The following SIPA1 variants were observed in gnomAD, a reference collection of about 807,000 sequenced individuals.
The protein encoded by SIPA1 is signal-induced proliferation-associated 1.
SIPA1 carries 51 observed loss-of-function variants against 88.1 expected under a neutral mutation model. The ratio of observed to expected loss-of-function variants is 0.58; its 90% CI spans 0.46 to 0.73. The LOEUF is 0.73. Among genes scored for constraint, SIPA1 ranks in the 30% least tolerant of loss-of-function variants. The probability of loss-of-function intolerance (pLI) is 0.00; values close to 1 mark genes in which losing one functional copy is unlikely to be tolerated. For synonymous variants in SIPA1, 681 were observed against 664.8 expected (o/e 1.02, Z -0.37); for missense variants, 1,348 against 1,467.6 (o/e 0.92, Z 1.33).
rs747116318 is a variant in SIPA1, at chr11:65,646,768, G to T, written c.1734G>T (p.Ala578=). 6.7e-7 allele frequency: 1 copy of T among 1,484,114 alleles called. No homozygotes were observed. Among genetic ancestry groups the T allele is most frequent in the Admixed American group, 2.5e-5 (1 of 39,644 alleles). The allele number at this position is 1,484,114 out of a possible 1,614,324, so 91.9% of individuals were successfully genotyped here. The change falls in exon 8 of 16, where the codon GCG becomes GCT. Residue 578 remains alanine, a synonymous_variant. Transcript: ENST00000534313. This position sits in a 1 kb window ranked among gnomAD's most constrained non-coding sequence, Gnocchi z 7.5. The stretch of plus-strand genomic sequence containing the variant: ...GCCCAGGCGCCGAGCTGCAGGCAGC[G>T]GGCTCACTGGTGTGGGGAGTGCGCG... ...PRGPGAELQA[A]GSLVWGVRAA...
chr11:65,650,198 C>G lies in SIPA1; in HGVS notation c.2903+6C>G. 9 of 1,613,934 alleles carry G rather than the reference C, an allele frequency of 5.6e-6. No homozygotes were observed. Among genetic ancestry groups the G allele is most frequent in the Non-Finnish European group, 7.6e-6 (9 of 1,179,836 alleles). On this transcript the variant is annotated splice_donor_region_variant and intron_variant, in intron 14 of 15. Coordinates refer to ENST00000534313, the MANE Select transcript of SIPA1 (RefSeq NM_006747.4). The stretch of plus-strand genomic sequence containing the variant: ...ACTCCAAAATCTGATGCTGAGTAAG[C>G]TCCCCAACTCCCCACAGCCGCTTTA...
At position 65,641,091 on chromosome 11, in the gene SIPA1, C is replaced by T. The variant is rs1228347353; in HGVS notation, c.170C>T (p.Ala57Val). 5 of 1,599,528 alleles carry T rather than the reference C, an allele frequency of 3.1e-6. No homozygotes were observed. The highest frequency in any genetic ancestry group is 1.1e-5 in the South Asian group (1 of 90,782). The change falls in exon 2 of 16, where the codon GCA becomes GTA. Residue 57 changes from alanine (A) to valine (V), a missense_variant. Physicochemically the swap from Ala to Val is moderately conservative, Grantham distance 64. Around this residue, in one of 4 missense-constraint regions of SIPA1, gnomAD observed 641 missense variants for 797.7 expected, o/e 0.80. Transcript: ENST00000534313. ...RGPLLRSGSD[A>V]GEARPPTPAS... The stretch of plus-strand genomic sequence containing the variant: ...CCACTCCTGCGCAGCGGCAGCGATG[C>T]AGGCGAGGCCAGGCCCCCCACGCCA...
Position 65,641,523 on chromosome 11 carries a change from A to G in SIPA1, c.602A>G (p.Gln201Arg). The G allele has an allele frequency of 6.2e-7, 1 of 1,612,468 alleles. No homozygotes were observed. Among genetic ancestry groups the G allele is most frequent in the Non-Finnish European group, 8.5e-7 (1 of 1,179,986 alleles). Residue 201 changes from glutamine to arginine, a missense_variant, in exon 2 of 16, where the codon CAG becomes CGG. By Grantham distance (43) the Gln-to-Arg change is conservative (BLOSUM62 1). Around this residue, in one of 4 missense-constraint regions of SIPA1, gnomAD observed 641 missense variants for 797.7 expected, o/e 0.80. Coordinates refer to ENST00000534313, the MANE Select transcript of SIPA1 (RefSeq NM_006747.4). ...NAAVSILEEP[Q>R]NRTSAYSLEH... ...GCCGTGTCCATCCTGGAGGAGCCAC[A>G]GAACCGAACCTCGGCCTACAGCCTG...
At position 65,647,395 on chromosome 11, in the gene SIPA1, TG is replaced by T; in HGVS notation, c.2045del (p.Gly682AlafsTer117). On this transcript the variant is annotated frameshift_variant, in exon 9 of 16. Coordinates refer to ENST00000534313, the MANE Select transcript of SIPA1 (RefSeq NM_006747.4). LOFTEE classifies it high-confidence loss of function. Reference sequence around the variant, plus strand: ...CGCCCCGTCCGCAGCTGGTGAGCCGTGGCTGCGAGACCCGCGAGCTGGCGCT... The same window carrying T: ...CGCCCCGTCCGCAGCTGGTGAGCCGTGCTGCGAGACCCGCGAGCTGGCGCT... ...VVARLQLVSR[G>X]CETRELALPR... 1 of 1,453,442 alleles carries T rather than the reference TG, an allele frequency of 6.9e-7. No homozygotes were observed. The highest frequency in any genetic ancestry group is 9.0e-7 in the Non-Finnish European group (1 of 1,110,952). 90.0% of individuals were successfully genotyped at this position (1,453,442 alleles called of 1,614,324 possible).
chr11:65,649,318 CAGATCCT>C lies in SIPA1; in HGVS notation c.2364_2370del (p.Asp789CysfsTer8). The C allele has an allele frequency of 1.3e-6, 2 of 1,558,226 alleles. No individual in the cohort carries two copies. Among genetic ancestry groups the C allele is most frequent in the Non-Finnish European group, 1.7e-6 (2 of 1,150,854 alleles). On this transcript the variant is annotated frameshift_variant, in exon 10 of 16. Transcript: ENST00000534313. LOFTEE classifies it high-confidence loss of function. ...CAGGAGCCTAGCCGGCGGGGGGCCCCAGATCCTGTGCAGGATGAGGTCCAGGGGGTGA... is the reference window on the plus strand; with the variant it reads ...CAGGAGCCTAGCCGGCGGGGGGCCCCGTGCAGGATGAGGTCCAGGGGGTGA...
chr11:65,648,995 A>T (rs1228947704), intron 9 of SIPA1, among the ~76,000 whole-genome samples: 1 of 152,234 alleles, frequency 6.6e-6, no homozygotes, highest in Non-Finnish European at 1.5e-5. Context: ...CTCACAGCAC[A>T]CTATGAGGTT....
rs371548442 is a variant in SIPA1 at position 65,650,662 on chromosome 11, C to T, written c.3076C>T (p.Arg1026Cys). 9.5e-5 allele frequency: 150 copies of T among 1,575,544 alleles called. No individual in the cohort carries two copies. Among genetic ancestry groups the T allele is most frequent in the Middle Eastern group, 1.7e-4 (1 of 6,026 alleles). The change falls in exon 16 of 16, where the codon CGC becomes TGC. Residue 1026 changes from arginine to cysteine, a missense_variant. Physicochemically the swap from Arg to Cys is radical, Grantham distance 180. Around this residue, in one of 4 missense-constraint regions of SIPA1, gnomAD observed 615 missense variants for 559.8 expected, o/e 1.10. Transcript: ENST00000534313. ...LQAESESAAT[R>C]LLLASKQLGS... is the part of the protein sequence containing the mutation. ...GGCGGAGTCTGAGAGTGCAGCCACA[C>T]GCCTCCTCCTGGCCTCCAAGCAGCT...
At chr11:65,638,735 C>T (rs1855946176) in intron 1 of SIPA1, among the ~76,000 whole-genome samples, 1 of 152,246 alleles carries the variant, frequency 6.6e-6, no homozygotes, top group South Asian at 2.1e-4. Flanking sequence ...GAGGAATGTC[C>T]TAGCCTCAAT....
Position 65,647,598 on chromosome 11 carries a change from G to A in SIPA1, c.2246G>A (p.Arg749His). 7.2e-7 allele frequency: 1 copy of A among 1,395,714 alleles called. No homozygotes were observed. Among genetic ancestry groups the A allele is most frequent in the South Asian group, 1.4e-5 (1 of 69,340 alleles). The allele number at this position is 1,395,714 out of a possible 1,614,324, so 86.5% of individuals were successfully genotyped here. ...LRPEAAAQLLRSAPKVCVTVL... is the reference protein window; with the variant it reads ...LRPEAAAQLLHSAPKVCVTVL... ...CCCGAGGCCGCTGCCCAGCTCCTGC[G>A]CTCGGCGCCCAAGGTCTGCGTCACC... is the stretch of plus-strand genomic sequence containing the variant. The change falls in exon 9 of 16, where the codon CGC becomes CAC. Residue 749 changes from arginine (R) to histidine (H), a missense_variant. Around this residue, in one of 4 missense-constraint regions of SIPA1, gnomAD observed 615 missense variants for 559.8 expected, o/e 1.10. Transcript: ENST00000534313.
chr11:65,646,135 T>G lies in SIPA1; in HGVS notation c.1264-86T>G. 6.7e-7 allele frequency: 1 copy of G among 1,500,344 alleles called. No homozygotes were observed. The highest frequency in any genetic ancestry group is 2.3e-5 in the East Asian group (1 of 44,136). 92.9% of individuals were successfully genotyped at this position (1,500,344 alleles called of 1,614,324 possible). A position where few individuals can be genotyped will look rare whatever the true frequency, so the allele number is the denominator to read the frequency against. ...TCACCAGGGGCAGTGGGGGAGCCAT[T>G]GGTGCCTTGGCTTTCTCCTGCCTGA... On this transcript the variant is annotated intron_variant, in intron 6 of 15. Transcript: ENST00000534313. The surrounding 1 kb of genome is among the most constrained non-coding windows in gnomAD (Gnocchi z 7.5).
chr11:65,640,658 AG>A (rs1247499134), intron 1 of SIPA1, 172 bp from the exon 2 acceptor site: 3 of 441,522 alleles, frequency 6.8e-6, no homozygotes, highest in African/African-American at 6.2e-5. Flanking sequence ...TAAGCTGGGG[AG>A]GGGGCTGGAA....
chr11:65,645,269 G>A, intron 5 of SIPA1, 140 bp downstream of exon 5: 1 of 814,332 alleles, frequency 1.2e-6, no homozygotes, highest in Non-Finnish European at 1.9e-6. Flanking sequence ...TCTGAGTCAG[G>A]GCTATGAGGG....
intron 4 of SIPA1, among the ~76,000 whole-genome samples, chr11:65,643,255 C>T (rs1425385048): frequency 6.6e-6 from 1 of 152,178 alleles, no homozygotes; most frequent in Admixed American, 6.5e-5. Flanking sequence ...GCCCTAGATG[C>T]CCTGGTCTGA....
rs982693005 is a variant in SIPA1, at chr11:65,650,738, C to T, written c.*23C>T. On this transcript the variant is annotated 3_prime_UTR_variant, in exon 16 of 16. Coordinates refer to ENST00000534313, the MANE Select transcript of SIPA1 (RefSeq NM_006747.4). The stretch of plus-strand genomic sequence containing the variant: ...TGAGCCGTCTGGAACCACCTGGGCC[C>T]CTGAGGGCACTGTGGTCACACTGGG... The T allele has an allele frequency of 6.2e-5, 95 of 1,540,018 alleles. No homozygotes were observed. In the South Asian group the frequency reaches 1.1e-3, roughly 17 times the overall value.
At chr11:65,650,548 C>T in intron 15 of SIPA1, 21 bp from the exon 16 acceptor site, 1 of 1,609,602 alleles carries the variant, frequency 6.2e-7, no homozygotes, top group South Asian at 1.1e-5. Context: ...GGCTCTGACT[C>T]CTGTCTCCCC....
rs191652438 is a variant in SIPA1 at position 65,649,514 on chromosome 11, C to T, written c.2525+34C>T. 174 of 1,613,942 alleles carry T rather than the reference C, an allele frequency of 1.1e-4. No homozygotes were observed. The Admixed American group carries it at 2.9e-3, about 27-fold the overall frequency. On this transcript the variant is annotated intron_variant, in intron 10 of 15. Coordinates refer to ENST00000534313, the MANE Select transcript of SIPA1 (RefSeq NM_006747.4). ...TCTTGGCCTTCCCTCTCCTCCAGGC[C>T]TCTGGGAAAGCGGCTTCCCTTTCTG...
chr11:65,647,235 C>T, intron 8 of SIPA1, 149 bp from the exon 9 acceptor site: 1 of 1,386,402 alleles, frequency 7.2e-7, no homozygotes, highest in Non-Finnish European at 9.4e-7. Context: ...GGGTAAGCGA[C>T]TTCTGGTCTT....
In SIPA1 at chr11:65,645,086, G is replaced by A. The variant is rs1856082243; in HGVS notation, c.1116G>A (p.Arg372=). ...TCACCTTGCTGGGCGATGTGGTGCG[G>A]CTCAAAGGCTTTGAGAGTTACCGGG... ...QFLTLLGDVV[R]LKGFESYRAQ... is the part of the protein sequence containing the mutation. The change falls in exon 5 of 16, where the codon CGG becomes CGA. Residue 372 remains arginine (R), a synonymous_variant. Coordinates refer to ENST00000534313, the MANE Select transcript of SIPA1 (RefSeq NM_006747.4). 6.2e-7 allele frequency: 1 copy of A among 1,613,924 alleles called. No individual in the cohort carries two copies. The highest frequency in any genetic ancestry group is 1.7e-5 in the Admixed American group (1 of 59,986).
Position 65,641,472 on chromosome 11 carries a change from C to G in SIPA1, c.551C>G (p.Pro184Arg), listed in dbSNP as rs1484799007. 1.2e-6 allele frequency: 2 copies of G among 1,612,232 alleles called. No homozygotes were observed. The highest frequency in any genetic ancestry group is 1.7e-6 in the Non-Finnish European group (2 of 1,180,010). Reference protein sequence around the residue: ...ELGLGGPASPPVPPALPNAAV... With the variant: ...ELGLGGPASPRVPPALPNAAV... The stretch of plus-strand genomic sequence containing the variant: ...GGCCTGGGTGGACCAGCATCCCCAC[C>G]TGTGCCCCCTGCACTGCCCAACGCG... The change falls in exon 2 of 16, where the codon CCT becomes CGT. Residue 184 changes from proline to arginine, a missense_variant. Transcript: ENST00000534313.
Sources: allele counts gnomAD v4.1 joint callset (sites outside exome capture counted in the v4.1 genomes callset), GRCh38; gene constraint gnomAD v4.1.1; regional missense constraint gnomAD v4.1.1; non-coding constraint Gnocchi (gnomAD v3.1); transcripts MANE v1.5; gene names NCBI Gene and HGNC (gene_info 2026-07-23, HGNC 2026-07-21).